Variants in SLC7A10 observed in about 807,000 individuals in gnomAD.
SLC7A10 encodes the protein solute carrier family 7 member 10, also known as asc-type amino acid transporter 1.
A neutral mutation model predicts 52.7 loss-of-function variants in SLC7A10; 30 were observed. That is an observed-to-expected ratio of 0.57 (90% CI 0.43 to 0.77). The LOEUF is 0.77. SLC7A10 is among the 30% of genes least tolerant of loss of function. The pLI, the probability that SLC7A10 is intolerant of heterozygous loss-of-function variation, is 0.00. For synonymous variants in SLC7A10, 318 were observed against 314.9 expected, an observed-to-expected ratio of 1.01 and a Z score of -0.10; for missense variants, 581 against 698.5, an observed-to-expected ratio of 0.83 and a Z score of 1.90.
Position 33,222,430 on chromosome 19 carries a change from TA to T in SLC7A10, c.151+3122del, listed in dbSNP as rs796743309. Among the ~76,000 whole-genome samples, 418 of 85,906 alleles carry T rather than the reference TA, an allele frequency of 4.9e-3. 2 individuals carry two copies. The highest frequency in any genetic ancestry group is 0.017 in the African/African-American group (359 of 20,674). 56.4% of individuals were successfully genotyped at this position (85,906 alleles called of 152,430 possible). ...ATAAAATATAAAATAAAATATAAAA[TA>T]AAATAAAATAAAATAAATAAAATAA... On this transcript the variant is annotated intron_variant, in intron 1 of 10. Coordinates refer to ENST00000253188, the MANE Select transcript of SLC7A10 (RefSeq NM_019849.3).
chr19:33,211,575 T>C, intron 5 of SLC7A10, 38 bp from the exon 6 acceptor site: 1 of 1,611,586 alleles, frequency 6.2e-7, no homozygotes, highest in East Asian at 2.2e-5. Context: ...CGTCAGCTCC[T>C]GAGGGTGCAG....
At chr19:33,214,204 GGA>G (rs1974620304) in intron 2 of SLC7A10, among the ~76,000 whole-genome samples, 1 of 152,134 alleles carries the variant, frequency 6.6e-6, no homozygotes. Flanking sequence ...TCTCCCCAGA[GGA>G]GACTGCCACA....
intron 5 of SLC7A10, chr19:33,211,944 C>T (rs903903651): frequency 4.2e-5 from 20 of 480,732 alleles, no homozygotes; most frequent in African/African-American, 1.6e-4. Context: ...GATCCCTGGC[C>T]GAGCATCAGA....
Position 33,210,380 on chromosome 19 carries a change from C to T in SLC7A10, c.1263+87G>A. On this transcript the variant is annotated intron_variant, in intron 9 of 10. Coordinates refer to ENST00000253188, the MANE Select transcript of SLC7A10 (RefSeq NM_019849.3). This position sits in a 1 kb window ranked among gnomAD's most constrained non-coding sequence, Gnocchi z 5.6. ...AACACTCCACAAAAGCTGGCACCTC[C>T]CATCCCACCTGCCCCTGGTGCCCAC... is the stretch of plus-strand genomic sequence containing the variant. 1.0e-5 allele frequency: 15 copies of T among 1,501,416 alleles called. No homozygotes were observed. Among genetic ancestry groups the T allele is most frequent in the Non-Finnish European group, 1.3e-5 (15 of 1,118,528 alleles). 93.0% of individuals were successfully genotyped at this position (1,501,416 alleles called of 1,614,324 possible).
At chr19:33,215,583 A>ACCCCCACACCTTCTCTCCACCCAG (rs1974655056) in intron 2 of SLC7A10, among the ~76,000 whole-genome samples, 186 bp downstream of exon 2, 1 of 106,284 alleles carries the variant, frequency 9.4e-6, no homozygotes. Flanking sequence ...GCTGTCCAGC[A>ACCCCCACACCTTCTCTCCACCCAG]CCCCCACACC....
intron 2 of SLC7A10, among the ~76,000 whole-genome samples, chr19:33,215,355 T>C (rs1337457451): frequency 1.3e-5 from 2 of 151,216 alleles, no homozygotes; most frequent in African/African-American, 2.4e-5. Flanking sequence ...AACATATGGG[T>C]TTACCAAAAT....
chr19:33,213,974 C>G (rs1190882878), intron 2 of SLC7A10, among the ~76,000 whole-genome samples: 1 of 152,122 alleles, frequency 6.6e-6, no homozygotes, highest in Admixed American at 6.5e-5. Flanking sequence ...TCAGCCATCT[C>G]TGGATCACCT....
chr19:33,224,864 G>C (rs1649676504), intron 1 of SLC7A10, among the ~76,000 whole-genome samples: 1 of 152,144 alleles, frequency 6.6e-6, no homozygotes, highest in Non-Finnish European at 1.5e-5. Flanking sequence ...TCCAGACCAG[G>C]CGAGTGTCCA....
chr19:33,210,649 C>T lies in SLC7A10; in HGVS notation c.1114-33G>A, dbSNP rs1363770060. 6 of 1,609,916 alleles carry T rather than the reference C, an allele frequency of 3.7e-6. No individual in the cohort carries two copies. In the Admixed American group the frequency reaches 1.0e-4, roughly 27 times the overall value. On this transcript the variant is annotated intron_variant, in intron 8 of 10. Transcript: ENST00000253188. This position sits in a 1 kb window ranked among gnomAD's most constrained non-coding sequence, Gnocchi z 5.6. ...AGGACCTGGGGCTGACGGCTGGCCC[C>T]TAGCCTGCCTCCTGACGCCCCTGCA...
At chr19:33,219,265 C>T (rs1298264482) in intron 1 of SLC7A10, among the ~76,000 whole-genome samples, 1 of 152,194 alleles carries the variant, frequency 6.6e-6, no homozygotes, top group Admixed American at 6.5e-5. Context: ...TAGCTTTTAT[C>T]ACATTAAGAT....
chr19:33,221,578 C>T (rs1974812159), intron 1 of SLC7A10, among the ~76,000 whole-genome samples: 1 of 152,158 alleles, frequency 6.6e-6, no homozygotes, highest in African/African-American at 2.4e-5. Context: ...AGTTGTATGG[C>T]TCCTCAGGGC....
chr19:33,209,011 T>G lies in SLC7A10; in HGVS notation c.1452A>C (p.Thr484=). Residue 484 remains threonine (T), a synonymous_variant, in exon 11 of 11, where the codon ACA becomes ACC. Transcript: ENST00000253188. ...CGAAACACAGCTCCTGGCCCCAGTG[T>G]GTCATGGACTCTGAGGACAGACAGA... is the stretch of plus-strand genomic sequence containing the variant. The part of the protein sequence containing the change: ...KCVHRLTESM[T]HWGQELCFVV... 1 of 1,613,732 alleles carries G rather than the reference T, an allele frequency of 6.2e-7. No individual in the cohort carries two copies. Among genetic ancestry groups the G allele is most frequent in the Non-Finnish European group, 8.5e-7 (1 of 1,180,022 alleles).
chr19:33,211,450 G>A lies in SLC7A10; in HGVS notation c.876C>T (p.Ser292=). ...FTNIAYFTAM[S]PQELLSSNAV... ...CATTGGAGGAGAGCAGCTCCTGGGG[G>A]GACATGGCCGTGAAGTAGGCAATGT... is the stretch of plus-strand genomic sequence containing the variant. Residue 292 remains serine (S), a synonymous_variant, in exon 6 of 11, where the codon TCC becomes TCT. Coordinates refer to ENST00000253188, the MANE Select transcript of SLC7A10 (RefSeq NM_019849.3). 1.9e-6 allele frequency: 3 copies of A among 1,614,098 alleles called. No homozygotes were observed. The highest frequency in any genetic ancestry group is 2.2e-5 in the South Asian group (2 of 91,064).
chr19:33,218,211 C>T (rs926611377), intron 1 of SLC7A10, among the ~76,000 whole-genome samples: 10 of 152,104 alleles, frequency 6.6e-5, no homozygotes, highest in Non-Finnish European at 8.8e-5. Context: ...GGGTGGAGCT[C>T]CGGGGTAAGC....
At chr19:33,224,964 C>T (rs1974890850) in intron 1 of SLC7A10, among the ~76,000 whole-genome samples, 1 of 152,234 alleles carries the variant, frequency 6.6e-6, no homozygotes, top group Non-Finnish European at 1.5e-5. Flanking sequence ...CTAACCCGCC[C>T]CCTCTCCTGG....
At position 33,211,265 on chromosome 19, in the gene SLC7A10, T is replaced by C. The variant is rs1212904080; in HGVS notation, c.976A>G (p.Thr326Ala). 1.9e-6 allele frequency: 3 copies of C among 1,613,640 alleles called. No individual in the cohort carries two copies. Among genetic ancestry groups the C allele is most frequent in the East Asian group, 2.2e-5 (1 of 44,798 alleles). The change falls in exon 7 of 11, where the codon ACC becomes GCC. Residue 326 changes from threonine to alanine, a missense_variant. Transcript: ENST00000253188. ...WVMPVSVALS[T>A]FGGINGYLFT... The stretch of plus-strand genomic sequence containing the variant: ...AGGTAACCATTGATCCCTCCGAAGG[T>C]TGACAGAGCCACGGAGACAGGCATG...
intron 2 of SLC7A10, among the ~76,000 whole-genome samples, chr19:33,214,418 C>G (rs961796122): frequency 1.3e-5 from 2 of 152,242 alleles, no homozygotes; most frequent in African/African-American, 4.8e-5. Context: ...CTCTGCTATG[C>G]TGGCTGCCCT....
intron 5 of SLC7A10, 111 bp from the exon 6 acceptor site, chr19:33,211,648 G>T: frequency 6.3e-7 from 1 of 1,585,166 alleles, no homozygotes; most frequent in Non-Finnish European, 8.6e-7. Context: ...TGCTGGGGAT[G>T]TTGGGGCAGG....
chr19:33,218,955 C>A (rs1337159539), intron 1 of SLC7A10, among the ~76,000 whole-genome samples: 3 of 151,770 alleles, frequency 2.0e-5, no homozygotes, highest in African/African-American at 7.3e-5. Flanking sequence ...AGAAGCCCAG[C>A]CGTTGGGGGA....
Sources: allele counts gnomAD v4.1 joint callset (sites outside exome capture counted in the v4.1 genomes callset), GRCh38; gene constraint gnomAD v4.1.1; non-coding constraint Gnocchi (gnomAD v3.1); transcripts MANE v1.5; gene names NCBI Gene and HGNC (gene_info 2026-07-23, HGNC 2026-07-21).